ASTN2: variants seen among roughly 807,000 people sequenced by gnomAD.
ASTN2 encodes the protein astrotactin 2, also known as astrotactin-2.
Under a neutral mutation model 139.8 loss-of-function variants are expected in ASTN2, and 54 were observed. The observed-to-expected ratio is 0.39, with a 90% CI of 0.31 to 0.48. ASTN2 has a LOEUF of 0.48. Ranked by LOEUF, ASTN2 falls within the 20% of genes least tolerant of loss-of-function variation. The probability of loss-of-function intolerance (pLI) is 0.95; values close to 1 mark genes in which losing one functional copy is unlikely to be tolerated. For synonymous variants in ASTN2, 756 were observed against 719.5 expected (o/e 1.05, Z -0.81); for missense variants, 1,565 against 1,725.1 (o/e 0.91, Z 1.64).
chr9:116,458,219 C>G lies in ASTN2; in HGVS notation c.3498-15666G>C, dbSNP rs560486853. Among the ~76,000 whole-genome samples, 21 of 150,600 alleles carry G rather than the reference C, an allele frequency of 1.4e-4. 1 individual carries two copies. Among genetic ancestry groups the G allele is most frequent in the South Asian group, 1.1e-3 (5 of 4,748 alleles). ...AGTTGTTATCAGAGGCTAGGAAGGG[C>G]AGTGGAGAAGAAGGGGAAAAGAGGG... On this transcript the variant is annotated intron_variant, in intron 20 of 22. Coordinates refer to ENST00000313400, the MANE Select transcript of ASTN2 (RefSeq NM_001365068.1).
chr9:117,240,514 G>C (rs1833173433), intron 2 of ASTN2, among the ~76,000 whole-genome samples: 1 of 152,178 alleles, frequency 6.6e-6, no homozygotes, highest in African/African-American at 2.4e-5. Flanking sequence ...GAGTAAGAAA[G>C]GGGACAGGAG....
chr9:117,241,580 T>C (rs1473603636), intron 2 of ASTN2, among the ~76,000 whole-genome samples: 1 of 152,168 alleles, frequency 6.6e-6, no homozygotes, highest in Non-Finnish European at 1.5e-5. Flanking sequence ...CCCTTGAATG[T>C]GCAGTTCACA....
At chr9:116,846,545 T>C (rs1030099570) in intron 11 of ASTN2, among the ~76,000 whole-genome samples, 4 of 152,278 alleles carry the variant, frequency 2.6e-5, no homozygotes, top group Non-Finnish European at 1.5e-5. Context: ...AGCATGCTAC[T>C]GCGTGGCTGG....
chr9:116,930,183 A>T (rs1834859664), intron 10 of ASTN2, among the ~76,000 whole-genome samples: 1 of 152,174 alleles, frequency 6.6e-6, no homozygotes, highest in Non-Finnish European at 1.5e-5. Context: ...CACCATTGGG[A>T]TGGACCACTT....
Position 117,089,291 on chromosome 9 carries a change from A to C in ASTN2, c.1276+6753T>G, listed in dbSNP as rs1390282055. Among the ~76,000 whole-genome samples the C allele has an allele frequency of 3.9e-5, 6 of 152,222 alleles. No individual in the cohort carries two copies. In the East Asian group the frequency reaches 9.7e-4, roughly 25 times the overall value. On this transcript the variant is annotated intron_variant, in intron 5 of 22. Coordinates refer to ENST00000313400, the MANE Select transcript of ASTN2 (RefSeq NM_001365068.1). ...TGTGGACTTGAGCACACATCTCCTG[A>C]CTCTGAGTCCAACATTCTTTGCTCT...
chr9:117,059,163 A>C (rs1006236935), intron 5 of ASTN2, among the ~76,000 whole-genome samples: 2 of 152,166 alleles, frequency 1.3e-5, no homozygotes, highest in African/African-American at 4.8e-5. Context: ...TGCAGAGTAC[A>C]GTTGGGGATG....
chr9:117,154,964 A>G (rs960680751), intron 3 of ASTN2, among the ~76,000 whole-genome samples: 1 of 152,064 alleles, frequency 6.6e-6, no homozygotes, highest in Non-Finnish European at 1.5e-5. Flanking sequence ...AGTGAGTGAC[A>G]TTATGGAGAG....
At chr9:117,336,847 A>G (rs1372595145) in intron 1 of ASTN2, among the ~76,000 whole-genome samples, 1 of 152,164 alleles carries the variant, frequency 6.6e-6, no homozygotes, top group Non-Finnish European at 1.5e-5. Context: ...GCACTCTCCC[A>G]GAACTCGAAG....
chr9:116,863,471 G>A (rs2132340814), intron 11 of ASTN2, 112 bp downstream of exon 11: 2 of 1,390,104 alleles, frequency 1.4e-6, no homozygotes, highest in Middle Eastern at 2.6e-4. Context: ...AGGCAGATAA[G>A]GGTAGTGTGG....
intron 2 of ASTN2, among the ~76,000 whole-genome samples, chr9:117,245,394 C>T (rs1158925956): frequency 6.6e-6 from 1 of 152,206 alleles, no homozygotes; most frequent in Admixed American, 6.5e-5. Flanking sequence ...GACTAATCTT[C>T]AAGTGGCGGG....
chr9:116,593,214 T>C (rs1375208637), intron 19 of ASTN2, among the ~76,000 whole-genome samples: 4 of 152,174 alleles, frequency 2.6e-5, no homozygotes, highest in Non-Finnish European at 5.9e-5. Context: ...TGCGGTAACA[T>C]CTGTGCTTTT....
intron 18 of ASTN2, among the ~76,000 whole-genome samples, chr9:116,619,005 AG>A (rs1446100782): frequency 2.0e-5 from 3 of 152,148 alleles, no homozygotes; most frequent in Non-Finnish European, 4.4e-5. Context: ...GAGATGATGA[AG>A]TTTAATTCCC....
At chr9:116,685,398 C>G (rs970963323) in intron 16 of ASTN2, among the ~76,000 whole-genome samples, 7 of 152,194 alleles carry the variant, frequency 4.6e-5, no homozygotes, top group African/African-American at 1.7e-4. Context: ...TCCCGCACAG[C>G]TGACTCTGCG....
chr9:116,563,911 G>T (rs1588008347), intron 19 of ASTN2, among the ~76,000 whole-genome samples: 1 of 152,266 alleles, frequency 6.6e-6, no homozygotes, highest in Admixed American at 6.5e-5. Context: ...GAACTCAATA[G>T]ATATTTGTTG....
intron 19 of ASTN2, among the ~76,000 whole-genome samples, chr9:116,500,461 T>C (rs1250998947): frequency 6.6e-6 from 1 of 152,236 alleles, no homozygotes; most frequent in Non-Finnish European, 1.5e-5. Context: ...ATCCAGGCTG[T>C]GAGCTGAGCC....
At chr9:116,501,234 C>A (rs554146785) in intron 19 of ASTN2, among the ~76,000 whole-genome samples, 1 of 152,224 alleles carries the variant, frequency 6.6e-6, no homozygotes, top group Admixed American at 6.5e-5. Flanking sequence ...TTTGTTCTTG[C>A]GATAGTTTAC....
chr9:117,125,996 G>A (rs180946279), intron 4 of ASTN2, among the ~76,000 whole-genome samples: 3 of 149,684 alleles, frequency 2.0e-5, no homozygotes, highest in Admixed American at 2.0e-4. Flanking sequence ...CATCAAACCA[G>A]CATTTTTCCA....
intron 7 of ASTN2, among the ~76,000 whole-genome samples, chr9:116,999,788 G>A (rs1344229684): frequency 1.3e-5 from 2 of 151,884 alleles, no homozygotes; most frequent in Non-Finnish European, 2.9e-5. Flanking sequence ...TCGAACTCCT[G>A]GCCTCAAGTG....
intron 3 of ASTN2, among the ~76,000 whole-genome samples, chr9:117,198,665 T>G (rs760107528): frequency 1.3e-5 from 2 of 152,214 alleles, no homozygotes; most frequent in Non-Finnish European, 2.9e-5. Context: ...GTAATGAGAT[T>G]GCTGGGTCAA....
Sources: gnomAD v4.1 joint callset for allele counts (sites outside exome capture counted in the v4.1 genomes callset) on GRCh38, gnomAD v4.1.1 for gene constraint, MANE v1.5 for transcripts, NCBI Gene and HGNC (gene_info 2026-07-23, HGNC 2026-07-21) for gene names.